NINL: variants seen among roughly 807,000 people sequenced by gnomAD.
NINL encodes ninein-like protein.
NINL carries 153 observed loss-of-function variants against 160.3 expected under a neutral mutation model. The ratio of observed to expected loss-of-function variants is 0.95; its 90% confidence interval spans 0.84 to 1.09. The LOEUF (loss-of-function observed/expected upper bound fraction) is 1.09, where lower values mean the gene tolerates loss of function less well. Ranked by LOEUF, NINL falls within the 50% of genes least tolerant of loss-of-function variation. The pLI is 0.00. For missense variants in NINL, 1,829 were observed against 1,764.0 expected (o/e 1.04, Z -0.66); for synonymous variants, 800 against 734.8 (o/e 1.09, Z -1.43).
At chr20:25,484,363 AG>A (rs376356811) in intron 13 of NINL, among the ~76,000 whole-genome samples, 27 of 152,288 alleles carry the variant, frequency 1.8e-4, no homozygotes, top group African/African-American at 5.5e-4. Context: ...GCAGCATGCC[AG>A]GCACCCAGAT....
At chr20:25,489,211 T>A in intron 13 of NINL, 33 bp downstream of exon 13, 2 of 1,604,786 alleles carry the variant, frequency 1.2e-6, no homozygotes, top group Non-Finnish European at 1.7e-6. Context: ...AGCCTGGACA[T>A]GAGACTAAAA....
chr20:25,500,230 A>G (rs1341451119), intron 8 of NINL, among the ~76,000 whole-genome samples: 2 of 152,164 alleles, frequency 1.3e-5, no homozygotes, highest in East Asian at 3.9e-4. Flanking sequence ...AGCTCCTTCC[A>G]AATCTCCAGG....
At chr20:25,491,785 C>A (rs2063646331) in intron 10 of NINL, among the ~76,000 whole-genome samples, 1 of 152,244 alleles carries the variant, frequency 6.6e-6, no homozygotes, top group Non-Finnish European at 1.5e-5. Context: ...CCCCTCACAG[C>A]GAGGAGCACA....
chr20:25,461,699 G>A, intron 20 of NINL, 64 bp from the exon 21 acceptor site: 1 of 1,115,128 alleles, frequency 9.0e-7, no homozygotes, highest in Non-Finnish European at 1.3e-6. Context: ...TGTAATTCGT[G>A]CAAAAACCTC....
chr20:25,519,711 T>G (rs1371958815), intron 2 of NINL, among the ~76,000 whole-genome samples: 1 of 151,954 alleles, frequency 6.6e-6, no homozygotes, highest in Non-Finnish European at 1.5e-5. Context: ...AGAGACATAC[T>G]ATGGAGTAAA....
intron 1 of NINL, among the ~76,000 whole-genome samples, chr20:25,573,976 A>C (rs1408549890): frequency 1.3e-5 from 2 of 152,208 alleles, no homozygotes; most frequent in African/African-American, 4.8e-5. Context: ...CAGTGTAAAA[A>C]TCACCCAGAA....
At chr20:25,541,562 G>A (rs981879607) in intron 1 of NINL, among the ~76,000 whole-genome samples, 14 of 152,160 alleles carry the variant, frequency 9.2e-5, no homozygotes, top group African/African-American at 3.4e-4. Flanking sequence ...AGCTATAGAT[G>A]CAAAATTTAT....
rs563414458 is a variant in NINL, at chr20:25,518,236, T to A, written c.181-387A>T. ...ACATCTCCTGAACCCTACCCTGACT[T>A]TTATGGTGACAGCTTCCTCGCTTTT... is the stretch of plus-strand genomic sequence containing the variant. On this transcript the variant is annotated intron_variant, in intron 2 of 23. Transcript: ENST00000278886. Among the ~76,000 whole-genome samples the A allele has an allele frequency of 2.6e-5, 4 of 152,288 alleles. No individual in the cohort carries two copies. The South Asian group carries it at 8.3e-4, about 32-fold the overall frequency.
At chr20:25,490,144 G>A (rs998007745) in intron 11 of NINL, among the ~76,000 whole-genome samples, 159 bp from the exon 12 acceptor site, 8 of 152,222 alleles carry the variant, frequency 5.3e-5, no homozygotes, top group African/African-American at 1.7e-4. Context: ...CGGCTGTGCC[G>A]GGGATGTCCC....
At chr20:25,461,965 C>A (rs965110163) in intron 20 of NINL, among the ~76,000 whole-genome samples, 3 of 152,184 alleles carry the variant, frequency 2.0e-5, no homozygotes, top group Non-Finnish European at 4.4e-5. Flanking sequence ...GTGACTCCCT[C>A]AGCTTCTGTT....
chr20:25,509,472 G>C (rs781344023), intron 5 of NINL, among the ~76,000 whole-genome samples: 12 of 152,222 alleles, frequency 7.9e-5, no homozygotes, highest in Non-Finnish European at 1.8e-4. Flanking sequence ...TGCTGTGATT[G>C]TAAGGGCCTG....
At chr20:25,517,633 G>C in intron 3 of NINL, 120 bp downstream of exon 3, 1 of 717,696 alleles carries the variant, frequency 1.4e-6, no homozygotes, top group Non-Finnish European at 2.3e-6. Context: ...ATACCTTGGG[G>C]GTGACAGAAA....
At chr20:25,474,583 A>T (rs369139056) in intron 17 of NINL, among the ~76,000 whole-genome samples, 2 of 152,122 alleles carry the variant, frequency 1.3e-5, no homozygotes, top group East Asian at 3.9e-4. Flanking sequence ...AAAAACAGGA[A>T]ATTTACTCTA....
At chr20:25,522,188 C>G (rs538998646) in intron 2 of NINL, among the ~76,000 whole-genome samples, 2 of 152,304 alleles carry the variant, frequency 1.3e-5, no homozygotes, top group Admixed American at 1.3e-4. Context: ...GATTACAGAC[C>G]TGAGCCACCA....
At chr20:25,554,685 T>C (rs894145587) in intron 1 of NINL, among the ~76,000 whole-genome samples, 5 of 148,212 alleles carry the variant, frequency 3.4e-5, no homozygotes, top group Admixed American at 6.7e-5. Context: ...TGGGGGTCTG[T>C]AGTCCTAGCT....
Position 25,453,088 on chromosome 20 carries a change from C to T in NINL, c.*363G>A, listed in dbSNP as rs1452134316. On this transcript the variant is annotated 3_prime_UTR_variant, in exon 24 of 24. Coordinates refer to ENST00000278886, the MANE Select transcript of NINL (RefSeq NM_025176.6). The stretch of plus-strand genomic sequence containing the variant: ...TACAGAGCCCTGACTTTACATTTCA[C>T]TCTGACAGCCAGGGTCGGAAGCACC... 1.2e-5 allele frequency: 2 copies of T among 172,566 alleles called. No individual in the cohort carries two copies. Among genetic ancestry groups the T allele is most frequent in the African/African-American group, 2.4e-5 (1 of 42,242 alleles). The allele number at this position is 172,566 out of a possible 1,614,324, so 10.7% of individuals were successfully genotyped here.
At chr20:25,453,724 G>T (rs2090594176) in intron 23 of NINL, 82 bp from the exon 24 acceptor site, 2 of 1,321,956 alleles carry the variant, frequency 1.5e-6, no homozygotes, top group East Asian at 4.8e-5. Context: ...TATCCTCCCA[G>T]GTTTACGCAA....
intron 10 of NINL, among the ~76,000 whole-genome samples, chr20:25,494,918 G>C (rs2063721945): frequency 6.6e-6 from 1 of 152,208 alleles, no homozygotes; most frequent in Admixed American, 6.5e-5. Context: ...AACAGTGTAA[G>C]GCCAGGAGAA....
chr20:25,479,228 C>A, intron 15 of NINL, 22 bp from the exon 16 acceptor site: 1 of 1,583,388 alleles, frequency 6.3e-7, no homozygotes, highest in Non-Finnish European at 8.6e-7. Flanking sequence ...AACATGAGCC[C>A]CGTGGACCAG....
Sources: allele counts gnomAD v4.1 joint callset (sites outside exome capture counted in the v4.1 genomes callset), GRCh38; gene constraint gnomAD v4.1.1; transcripts MANE v1.5; gene names NCBI Gene and HGNC (gene_info 2026-07-23, HGNC 2026-07-21).